Variants in SLC25A24 observed in about 807,000 individuals in gnomAD.
The protein encoded by SLC25A24 is mitochondrial adenyl nucleotide antiporter SLC25A24.
SLC25A24 carries 49 observed loss-of-function variants against 60.7 expected under a neutral mutation model. That is an observed-to-expected ratio of 0.81 (90% CI 0.64 to 1.02). SLC25A24 has a LOEUF of 1.02. SLC25A24 is among the 50% of genes least tolerant of loss of function. The pLI, the probability that SLC25A24 is intolerant of heterozygous loss-of-function variation, is 0.00. For synonymous variants in SLC25A24, 202 were observed against 200.6 expected, an observed-to-expected ratio of 1.01 and a Z score of -0.06; for missense variants, 564 against 586.3, an observed-to-expected ratio of 0.96 and a Z score of 0.39.
intron 3 of SLC25A24, among the ~76,000 whole-genome samples, chr1:108,176,614 C>A (rs1647682142): frequency 6.6e-6 from 1 of 152,022 alleles, no homozygotes; most frequent in African/African-American, 2.4e-5. Flanking sequence ...ATGAGAGGAT[C>A]CTGAAAACAG....
At position 108,192,842 on chromosome 1, in the gene SLC25A24, G is replaced by A; in HGVS notation, c.184-6888C>T. The A allele has an allele frequency of 3.6e-6, 4 of 1,101,548 alleles. 1 individual carries two copies. The allele number at this position is 1,101,548 out of a possible 1,614,324, so 68.2% of individuals were successfully genotyped here. A position where few individuals can be genotyped will look rare whatever the true frequency, so the allele number is the denominator to read the frequency against. On this transcript the variant is annotated intron_variant, in intron 1 of 9. Coordinates refer to ENST00000565488, the MANE Select transcript of SLC25A24 (RefSeq NM_013386.5). ...TCAGCGCAAAGGCGCGAGCGCGCAG[G>A]ACCCGGGACCTGCGTGGGACCGCAC...
chr1:108,199,806 C>T, intron 1 of SLC25A24, 150 bp downstream of exon 1: 1 of 644,378 alleles, frequency 1.6e-6, no homozygotes. Context: ...GCCCCACGCC[C>T]GAGTTTCTGA....
At chr1:108,177,582 G>C (rs1271410543) in intron 3 of SLC25A24, among the ~76,000 whole-genome samples, 1 of 152,142 alleles carries the variant, frequency 6.6e-6, no homozygotes, top group East Asian at 1.9e-4. Context: ...ATATTCCATG[G>C]AAACAGAAAC....
intron 3 of SLC25A24, 112 bp downstream of exon 3, chr1:108,181,829 G>GAT: frequency 1.3e-6 from 1 of 743,398 alleles, no homozygotes; most frequent in Admixed American, 2.5e-5. Flanking sequence ...AAAGATCTTG[G>GAT]ATATACATAA....
intron 6 of SLC25A24, among the ~76,000 whole-genome samples, chr1:108,150,634 C>T (rs952080472): frequency 1.3e-5 from 2 of 152,138 alleles, no homozygotes; most frequent in African/African-American, 4.8e-5. Context: ...TTCTGCCCAC[C>T]TCCTGCAAAA....
At chr1:108,161,425 A>C in intron 3 of SLC25A24, 132 bp from the exon 4 acceptor site, 1 of 613,378 alleles carries the variant, frequency 1.6e-6, no homozygotes, top group East Asian at 3.0e-5. Context: ...CCCCATCCAC[A>C]AATATAGGTT....
chr1:108,160,132 C>A (rs1344035292), intron 4 of SLC25A24, among the ~76,000 whole-genome samples: 1 of 151,818 alleles, frequency 6.6e-6, no homozygotes, highest in African/African-American at 2.4e-5. Flanking sequence ...GGGTGGCTGC[C>A]GGGCGGAGAC....
In SLC25A24 at chr1:108,134,400, T is replaced by TA. The variant is rs1199315587; in HGVS notation, c.*2252dup. ...GGATGTAATCTGCATTATGAAATTTTAAAAAATTACTTACCAGTGAATTCA... is the reference window on the plus strand; with the variant it reads ...GGATGTAATCTGCATTATGAAATTTTAAAAAAATTACTTACCAGTGAATTCA... On this transcript the variant is annotated 3_prime_UTR_variant, in exon 10 of 10. Coordinates refer to ENST00000565488, the MANE Select transcript of SLC25A24 (RefSeq NM_013386.5). 2.0e-5 allele frequency: 3 copies of TA among 152,242 alleles called. No individual in the cohort carries two copies. The highest frequency in any genetic ancestry group is 1.3e-4 in the Admixed American group (2 of 15,278). 9.4% of individuals were successfully genotyped at this position (152,242 alleles called of 1,614,324 possible).
intron 3 of SLC25A24, among the ~76,000 whole-genome samples, chr1:108,176,228 A>G (rs1321268577): frequency 2.0e-5 from 3 of 152,160 alleles, no homozygotes; most frequent in Admixed American, 2.0e-4. Flanking sequence ...AAATACAATG[A>G]ACAAAATTAA....
intron 3 of SLC25A24, among the ~76,000 whole-genome samples, chr1:108,165,977 A>AG (rs1442394806): frequency 6.6e-6 from 1 of 152,138 alleles, no homozygotes; most frequent in East Asian, 1.9e-4. Flanking sequence ...GAACTCTTTT[A>AG]GGGCAGGCCT....
intron 3 of SLC25A24, 64 bp from the exon 4 acceptor site, chr1:108,161,357 G>C: frequency 1.2e-6 from 1 of 830,774 alleles, no homozygotes; most frequent in Non-Finnish European, 2.0e-6. Context: ...AACATTATTG[G>C]CCACTTTACA....
In SLC25A24 at chr1:108,199,977, A is replaced by T; in HGVS notation, c.162T>A (p.Pro54=). The change falls in exon 1 of 10, where the codon CCT becomes CCA. Residue 54 remains proline, a synonymous_variant. Coordinates refer to ENST00000565488, the MANE Select transcript of SLC25A24 (RefSeq NM_013386.5). ...LQEGLRNLGI[P]LGQDAEEKIF... Reference sequence around the variant, plus strand: ...CCACCTCCTCGGCGTCCTGGCCCAGAGGGATGCCCAGGTTCCTGAGCCCCT... The same window carrying T: ...CCACCTCCTCGGCGTCCTGGCCCAGTGGGATGCCCAGGTTCCTGAGCCCCT... 6.2e-7 allele frequency: 1 copy of T among 1,610,150 alleles called. No individual in the cohort carries two copies. The highest frequency in any genetic ancestry group is 1.1e-5 in the South Asian group (1 of 89,942).
intron 8 of SLC25A24, among the ~76,000 whole-genome samples, chr1:108,141,688 A>C (rs1477205661): frequency 6.6e-6 from 1 of 152,168 alleles, no homozygotes; most frequent in African/African-American, 2.4e-5. Flanking sequence ...CCTTAAAAAC[A>C]AAAAAGTCCT....
intron 1 of SLC25A24, among the ~76,000 whole-genome samples, chr1:108,195,783 G>A (rs1257502579): frequency 6.6e-6 from 1 of 152,124 alleles, no homozygotes; most frequent in Non-Finnish European, 1.5e-5. Flanking sequence ...CAGATCACTA[G>A]AGGCCAGGAA....
At chr1:108,164,432 T>G (rs1680184396) in intron 3 of SLC25A24, among the ~76,000 whole-genome samples, 1 of 151,174 alleles carries the variant, frequency 6.6e-6, no homozygotes, top group South Asian at 2.1e-4. Flanking sequence ...TGGACTCTTT[T>G]TGGTTGGTAA....
In SLC25A24 at chr1:108,192,888, C is replaced by T. The variant is rs1648390600; in HGVS notation, c.184-6934G>A. 34 of 671,074 alleles carry T rather than the reference C, an allele frequency of 5.1e-5. 2 individuals carry two copies. Among genetic ancestry groups the T allele is most frequent in the Non-Finnish European group, 6.1e-5 (31 of 507,130 alleles). 41.6% of individuals were successfully genotyped at this position (671,074 alleles called of 1,614,324 possible). A position where few individuals can be genotyped will look rare whatever the true frequency, so the allele number is the denominator to read the frequency against. ...CGCACTCTGGGCTGCGCTGGGAGAC[C>T]GCGGAGTTCCTGCCTCACTCACGTC... On this transcript the variant is annotated intron_variant, in intron 1 of 9. Coordinates refer to ENST00000565488, the MANE Select transcript of SLC25A24 (RefSeq NM_013386.5).
intron 5 of SLC25A24, among the ~76,000 whole-genome samples, chr1:108,157,239 A>T (rs1455037497): frequency 6.6e-6 from 1 of 152,238 alleles, no homozygotes; most frequent in African/African-American, 2.4e-5. Flanking sequence ...TAGAATGCCA[A>T]AGATTAAAAG....
At chr1:108,159,876 G>A (rs1269946435) in intron 4 of SLC25A24, among the ~76,000 whole-genome samples, 1 of 151,336 alleles carries the variant, frequency 6.6e-6, no homozygotes, top group Non-Finnish European at 1.5e-5. Flanking sequence ...TTTCTACACA[G>A]ACACAGCAAC....
intron 9 of SLC25A24, among the ~76,000 whole-genome samples, chr1:108,137,361 A>T (rs1416174702): frequency 2.6e-5 from 4 of 152,166 alleles, no homozygotes; most frequent in African/African-American, 9.7e-5. Context: ...GAAAAAGCAC[A>T]AAGACCTGGG....
Sources: gnomAD v4.1 joint callset for allele counts (sites outside exome capture counted in the v4.1 genomes callset) on GRCh38, gnomAD v4.1.1 for gene constraint, MANE v1.5 for transcripts, NCBI Gene and HGNC (gene_info 2026-07-23, HGNC 2026-07-21) for gene names.